The following CCN4 variants were observed in gnomAD, a reference collection of about 807,000 sequenced individuals.
The protein encoded by CCN4 is CCN family member 4.
In CCN4, 30 loss-of-function variants were observed where a neutral mutation model predicts 36.7. The ratio of observed to expected loss-of-function variants is 0.82; its 90% confidence interval spans 0.61 to 1.11. CCN4 has a LOEUF of 1.11. CCN4 is among the 50% of genes least tolerant of loss of function. The pLI is 0.00. For synonymous variants in CCN4, 191 were observed against 195.4 expected, an observed-to-expected ratio of 0.98 and a Z score of 0.19; for missense variants, 505 against 504.9, an observed-to-expected ratio of 1.00 and a Z score of 0.00.
In CCN4 at chr8:133,214,507, G is replaced by GGTTGTT. The variant is rs376862240; in HGVS notation, c.349+1383_349+1388dup. ...TTCTGATATCCTCCTGTTTGGAGGT[G>GGTTGTT]GTTGTTGTTGTTGTTGTTGTTGTTA... On this transcript the variant is annotated intron_variant, in intron 2 of 4. Coordinates refer to ENST00000250160, the MANE Select transcript of CCN4 (RefSeq NM_003882.4). Among the ~76,000 whole-genome samples the GGTTGTT allele has an allele frequency of 6.2e-3, 938 of 151,546 alleles. 10 individuals are homozygous for GGTTGTT. Among genetic ancestry groups the GGTTGTT allele is most frequent in the African/African-American group, 0.021 (881 of 41,150 alleles).
At chr8:133,216,687 T>G (rs11778573) in intron 2 of CCN4, among the ~76,000 whole-genome samples, 89,872 of 152,022 alleles carry the variant, frequency 0.59, 26,679 homozygotes, top group Middle Eastern at 0.66. Flanking sequence ...AGGCCTGAGG[T>G]CAGTGTGGTT....
intron 1 of CCN4, among the ~76,000 whole-genome samples, chr8:133,193,449 G>A (rs912560422): frequency 6.6e-5 from 10 of 152,172 alleles, no homozygotes; most frequent in Admixed American, 4.6e-4. Context: ...AGTGTATTTG[G>A]GAATTTAATC....
chr8:133,211,836 G>A (rs1042572520), intron 1 of CCN4, among the ~76,000 whole-genome samples: 1 of 152,194 alleles, frequency 6.6e-6, no homozygotes, highest in African/African-American at 2.4e-5. Context: ...GTCCTCAGGC[G>A]ATTCTCTTCC....
chr8:133,201,878 C>A (rs77380060), intron 1 of CCN4, among the ~76,000 whole-genome samples: 5 of 141,394 alleles, frequency 3.5e-5, no homozygotes, highest in African/African-American at 6.3e-5. Context: ...AGAAAAAAAC[C>A]CATACATGTG....
intron 2 of CCN4, among the ~76,000 whole-genome samples, chr8:133,214,944 T>G (rs1457702484): frequency 6.6e-6 from 1 of 152,224 alleles, no homozygotes; most frequent in Non-Finnish European, 1.5e-5. Flanking sequence ...AATTTTATTT[T>G]ATCTGAACCA....
At chr8:133,208,712 C>A (rs895745651) in intron 1 of CCN4, among the ~76,000 whole-genome samples, 1 of 152,070 alleles carries the variant, frequency 6.6e-6, no homozygotes, top group Non-Finnish European at 1.5e-5. Context: ...CTATTCCCAC[C>A]CCCTCTTCAA....
intron 3 of CCN4, among the ~76,000 whole-genome samples, chr8:133,221,903 AT>A (rs1488779208): frequency 1.4e-5 from 2 of 148,098 alleles, no homozygotes; most frequent in Non-Finnish European, 3.0e-5. Flanking sequence ...GGATGGGTCA[AT>A]TAATGGATGG....
intron 1 of CCN4, among the ~76,000 whole-genome samples, chr8:133,209,523 C>T (rs1204035017): frequency 6.6e-6 from 1 of 152,256 alleles, no homozygotes; most frequent in African/African-American, 2.4e-5. Flanking sequence ...AAATGGTTCC[C>T]CTGTCCAAGG....
intron 1 of CCN4, among the ~76,000 whole-genome samples, chr8:133,203,805 C>G (rs1853670958): frequency 1.3e-5 from 2 of 152,194 alleles, no homozygotes; most frequent in South Asian, 4.1e-4. Flanking sequence ...CTTCAGATAT[C>G]CTGGGCAGTC....
chr8:133,217,103 C>T (rs1302326877), intron 2 of CCN4, among the ~76,000 whole-genome samples: 1 of 152,206 alleles, frequency 6.6e-6, no homozygotes, highest in Non-Finnish European at 1.5e-5. Flanking sequence ...GTCTCAGTTT[C>T]TTCTTCAAGG....
chr8:133,204,274 T>C (rs1387346925), intron 1 of CCN4, among the ~76,000 whole-genome samples: 1 of 152,230 alleles, frequency 6.6e-6, no homozygotes, highest in East Asian at 1.9e-4. Flanking sequence ...AGAGCAGTTG[T>C]GTCACCCTGA....
intron 3 of CCN4, among the ~76,000 whole-genome samples, chr8:133,223,446 T>C (rs1854606070): frequency 6.6e-6 from 1 of 152,180 alleles, no homozygotes; most frequent in African/African-American, 2.4e-5. Context: ...CCTCTCTCAC[T>C]CAGTGATTCC....
chr8:133,192,224 G>A (rs761073239), intron 1 of CCN4, among the ~76,000 whole-genome samples: 1 of 152,198 alleles, frequency 6.6e-6, no homozygotes, highest in African/African-American at 2.4e-5. Context: ...TAAGGAAACC[G>A]TGTGTTGGGG....
Position 133,220,709 on chromosome 8 carries a change from G to A in CCN4, c.478G>A (p.Val160Met). 6.2e-7 allele frequency: 1 copy of A among 1,613,768 alleles called. No homozygotes were observed. The highest frequency in any genetic ancestry group is 8.5e-7 in the Non-Finnish European group (1 of 1,179,940). Residue 160 changes from valine to methionine, a missense_variant, in exon 3 of 5, where the codon GTG becomes ATG. Transcript: ENST00000250160. ...GGGCTGCACACCACTGTGCCTCCGA[G>A]TGCGCCCCCCGCGTCTCTGGTGCCC... ...AVGCTPLCLR[V>M]RPPRLWCPHP...
At chr8:133,199,116 G>A (rs951411936) in intron 1 of CCN4, among the ~76,000 whole-genome samples, 1 of 152,226 alleles carries the variant, frequency 6.6e-6, no homozygotes. Context: ...AATTTGGCAA[G>A]AGGGCCTGGA....
intron 4 of CCN4, among the ~76,000 whole-genome samples, chr8:133,226,956 A>G (rs955981874): frequency 2.0e-5 from 3 of 152,156 alleles, no homozygotes; most frequent in Non-Finnish European, 4.4e-5. Flanking sequence ...TTGAATACTA[A>G]AGGTATGTGT....
intron 1 of CCN4, among the ~76,000 whole-genome samples, chr8:133,202,280 C>T (rs1234675769): frequency 1.3e-5 from 2 of 152,166 alleles, no homozygotes; most frequent in East Asian, 3.9e-4. Context: ...TGGGCAGGCC[C>T]TTATAAAAAT....
intron 2 of CCN4, among the ~76,000 whole-genome samples, chr8:133,213,355 C>T (rs562834240): frequency 6.6e-6 from 1 of 152,238 alleles, no homozygotes; most frequent in South Asian, 2.1e-4. Context: ...AACTTTGCTT[C>T]TTGCTTTATT....
chr8:133,200,173 C>A (rs1291793161), intron 1 of CCN4, among the ~76,000 whole-genome samples: 1 of 152,184 alleles, frequency 6.6e-6, no homozygotes, highest in African/African-American at 2.4e-5. Flanking sequence ...ACTTTATCCC[C>A]TGCTTTATTT....
Sources: gnomAD v4.1 joint callset for allele counts (sites outside exome capture counted in the v4.1 genomes callset) on GRCh38, gnomAD v4.1.1 for gene constraint, MANE v1.5 for transcripts, NCBI Gene and HGNC (gene_info 2026-07-23, HGNC 2026-07-21) for gene names.